The following SP4 variants were observed in gnomAD, a reference collection of about 807,000 sequenced individuals.
SP4 encodes Sp4 transcription factor.
In SP4, 19 loss-of-function variants were observed where a neutral mutation model predicts 72.8. The observed-to-expected ratio is 0.26, with a 90% CI of 0.18 to 0.38. The LOEUF is 0.38. Ranked by LOEUF, SP4 falls within the 10% of genes least tolerant of loss-of-function variation. The probability of loss-of-function intolerance (pLI) is 1.00; values close to 1 mark genes in which losing one functional copy is unlikely to be tolerated. For synonymous variants in SP4, 395 were observed against 333.1 expected (o/e 1.19, Z -2.02); for missense variants, 1,008 against 926.3 (o/e 1.09, Z -1.14).
At chr7:21,429,255 C>T in intron 2 of SP4, 34 bp from the exon 3 acceptor site, 3 of 1,205,888 alleles carry the variant, frequency 2.5e-6, no homozygotes, top group Non-Finnish European at 3.5e-6. Context: ...TTTTTTTCCC[C>T]CCCCCCTCTC....
chr7:21,487,375 T>G (rs963659002), intron 5 of SP4, among the ~76,000 whole-genome samples: 2 of 150,718 alleles, frequency 1.3e-5, no homozygotes, highest in Admixed American at 6.6e-5. Context: ...TCTGTCTCTC[T>G]GGGCTCTTAG....
At chr7:21,445,599 G>A (rs1385396659) in intron 3 of SP4, among the ~76,000 whole-genome samples, 4 of 152,128 alleles carry the variant, frequency 2.6e-5, no homozygotes, top group African/African-American at 9.7e-5. Context: ...TTCTGGGTGA[G>A]TTTTGTTTTA....
At chr7:21,429,149 T>A (rs74689381) in intron 2 of SP4, 140 bp from the exon 3 acceptor site, 16,576 of 599,298 alleles carry the variant, frequency 0.028, 459 homozygotes, top group African/African-American at 0.088. Flanking sequence ...TTTGTTCGTA[T>A]TTCTTTTTGA....
At chr7:21,502,221 T>C (rs1781888725) in intron 5 of SP4, among the ~76,000 whole-genome samples, 1 of 152,000 alleles carries the variant, frequency 6.6e-6, no homozygotes, top group African/African-American at 2.4e-5. Flanking sequence ...TAACAACTTA[T>C]CATCCTTTTT....
At chr7:21,450,510 G>A (rs1783556387) in intron 3 of SP4, among the ~76,000 whole-genome samples, 2 of 152,090 alleles carry the variant, frequency 1.3e-5, no homozygotes, top group Admixed American at 1.3e-4. Flanking sequence ...TTAAGGAAGA[G>A]GGAGATGAAG....
At chr7:21,498,859 G>A (rs777167639) in intron 5 of SP4, among the ~76,000 whole-genome samples, 1 of 152,120 alleles carries the variant, frequency 6.6e-6, no homozygotes, top group Non-Finnish European at 1.5e-5. Context: ...GCCGAGGCAG[G>A]CGGATCATGA....
At chr7:21,450,153 T>A (rs1783545289) in intron 3 of SP4, among the ~76,000 whole-genome samples, 1 of 152,190 alleles carries the variant, frequency 6.6e-6, no homozygotes, top group African/African-American at 2.4e-5. Context: ...ATTTGTAAGC[T>A]TGGAAACTTG....
At chr7:21,467,894 A>G (rs1396535268) in intron 3 of SP4, among the ~76,000 whole-genome samples, 1 of 152,144 alleles carries the variant, frequency 6.6e-6, no homozygotes, top group Non-Finnish European at 1.5e-5. Flanking sequence ...TATGCACAAA[A>G]CATAATTAAG....
chr7:21,447,954 G>C (rs755007583), intron 3 of SP4, among the ~76,000 whole-genome samples: 2 of 152,172 alleles, frequency 1.3e-5, no homozygotes, highest in Non-Finnish European at 2.9e-5. Flanking sequence ...AAAGTGCTGG[G>C]ATTACAGGCA....
intron 5 of SP4, among the ~76,000 whole-genome samples, chr7:21,487,191 G>A (rs1037718032): frequency 6.6e-6 from 1 of 152,090 alleles, no homozygotes; most frequent in African/African-American, 2.4e-5. Flanking sequence ...ATTAGTTCCT[G>A]TGTCTTCTTG....
At chr7:21,505,004 G>A (rs1781959119) in intron 5 of SP4, among the ~76,000 whole-genome samples, 1 of 152,220 alleles carries the variant, frequency 6.6e-6, no homozygotes, top group South Asian at 2.1e-4. Flanking sequence ...AAGATGAGAG[G>A]ACCAGGACCG....
intron 1 of SP4, 57 bp from the exon 2 acceptor site, chr7:21,428,620 T>A: frequency 6.9e-7 from 1 of 1,449,904 alleles, no homozygotes; most frequent in South Asian, 1.3e-5. Flanking sequence ...AGAAGACGAA[T>A]AATAATAATC....
intron 5 of SP4, among the ~76,000 whole-genome samples, chr7:21,490,583 G>A (rs749262351): frequency 4.2e-4 from 64 of 152,198 alleles, no homozygotes; most frequent in Non-Finnish European, 7.2e-4. Context: ...TTTTCTAGCC[G>A]GAGGAACTAG....
intron 5 of SP4, among the ~76,000 whole-genome samples, chr7:21,499,233 G>A (rs1490559294): frequency 6.6e-6 from 1 of 152,076 alleles, no homozygotes; most frequent in African/African-American, 2.4e-5. Context: ...TCGGTCTTAC[G>A]GTCTCTAAAT....
chr7:21,505,008 A>C (rs1423615083), intron 5 of SP4, among the ~76,000 whole-genome samples: 5 of 152,262 alleles, frequency 3.3e-5, no homozygotes, highest in Non-Finnish European at 7.3e-5. Context: ...TGAGAGGACC[A>C]GGACCGGGGC....
intron 5 of SP4, among the ~76,000 whole-genome samples, chr7:21,486,805 G>C (rs542147759): frequency 6.6e-6 from 1 of 152,176 alleles, no homozygotes; most frequent in South Asian, 2.1e-4. Flanking sequence ...TCGACATTCA[G>C]GGGGAAGAGA....
intron 1 of SP4, 83 bp from the exon 2 acceptor site, chr7:21,428,594 G>A (rs1782709725): frequency 1.5e-6 from 2 of 1,325,166 alleles, no homozygotes; most frequent in Non-Finnish European, 2.1e-6. Context: ...GGGGGAGGGG[G>A]GAGAAGAGGA....
Position 21,428,183 on chromosome 7 carries a change from G to GCCCCCC in SP4, c.-67_-66insCCCCCC. On this transcript the variant is annotated 5_prime_UTR_variant, in exon 1 of 6. Transcript: ENST00000222584. ...GCGGGCGGGACCGGCCTCTCCTCCC[G>GCCCCCC]CCTCGCCCCCACCCCCACCCACCTC... 1.3e-5 allele frequency: 5 copies of GCCCCCC among 370,462 alleles called. No individual in the cohort carries two copies. Among genetic ancestry groups the GCCCCCC allele is most frequent in the Admixed American group, 3.9e-5 (1 of 25,590 alleles). 22.9% of individuals were successfully genotyped at this position (370,462 alleles called of 1,614,324 possible).
At chr7:21,460,418 T>C (rs1783921838) in intron 3 of SP4, among the ~76,000 whole-genome samples, 1 of 149,772 alleles carries the variant, frequency 6.7e-6, no homozygotes, top group African/African-American at 2.4e-5. Context: ...TCTCGCTGGC[T>C]TCAGGAGTGA....
Sources: allele counts gnomAD v4.1 joint callset (sites outside exome capture counted in the v4.1 genomes callset), GRCh38; gene constraint gnomAD v4.1.1; transcripts MANE v1.5; gene names NCBI Gene and HGNC (gene_info 2026-07-23, HGNC 2026-07-21).